LCT: variants seen among roughly 807,000 people sequenced by gnomAD.
LCT encodes the protein lactase/phlorizin hydrolase.
LCT carries 90 observed loss-of-function variants against 173.0 expected under a neutral mutation model. The observed-to-expected ratio is 0.52, with a 90% CI of 0.44 to 0.62. LCT has a LOEUF of 0.62. Ranked by LOEUF, LCT falls within the 20% of genes least tolerant of loss-of-function variation. The probability of loss-of-function intolerance (pLI) is 0.00; values close to 1 mark genes in which losing one functional copy is unlikely to be tolerated. For synonymous variants in LCT, 853 were observed against 957.6 expected, an observed-to-expected ratio of 0.89 and a Z score of 2.02; for missense variants, 1,864 against 2,431.4, an observed-to-expected ratio of 0.77 and a Z score of 4.91.
At chr2:135,802,255 T>C (rs2077633671) in intron 11 of LCT, among the ~76,000 whole-genome samples, 1 of 152,196 alleles carries the variant, frequency 6.6e-6, no homozygotes, top group Admixed American at 6.5e-5. Flanking sequence ...TTTATTCTTA[T>C]TAACTCAGAA....
At chr2:135,814,348 T>C (rs2077761416) in intron 6 of LCT, among the ~76,000 whole-genome samples, 2 of 152,052 alleles carry the variant, frequency 1.3e-5, no homozygotes, top group African/African-American at 4.8e-5. Context: ...GGGAGCTCAG[T>C]GGAATATTAG....
rs754167660 is a variant in LCT, at chr2:135,809,344, G to A, written c.3003C>T (p.Asn1001=). 1 of 1,614,238 alleles carries A rather than the reference G, an allele frequency of 6.2e-7. No individual in the cohort carries two copies. Among genetic ancestry groups the A allele is most frequent in the Non-Finnish European group, 8.5e-7 (1 of 1,180,056 alleles). Residue 1001 remains asparagine (N), a synonymous_variant, in exon 8 of 17, where the codon AAC becomes AAT. Coordinates refer to ENST00000264162, the MANE Select transcript of LCT (RefSeq NM_002299.4). This position sits in a 1 kb window ranked among gnomAD's most constrained non-coding sequence, Gnocchi z 5.5. ...SINSHGVDYY[N]RLINGLVASN... ...TTGCCACCAAGCCATTGATCAGCCT[G>A]TTGTAATAATCAACCCCATGACTGT...
At chr2:135,832,409 G>A (rs1454993827) in intron 2 of LCT, among the ~76,000 whole-genome samples, 1 of 151,212 alleles carries the variant, frequency 6.6e-6, no homozygotes, top group East Asian at 1.9e-4. Context: ...GACAGAGCAA[G>A]GCCACAAGAC....
At chr2:135,791,201 A>G (rs952114293) in intron 14 of LCT, among the ~76,000 whole-genome samples, 8 of 152,214 alleles carry the variant, frequency 5.3e-5, no homozygotes, top group Admixed American at 1.3e-4. Flanking sequence ...TACACCAGCT[A>G]TGAAAGGCTA....
In LCT at chr2:135,809,548, A is replaced by G. The variant is rs774146312; in HGVS notation, c.2799T>C (p.Asp933=). 68 of 1,614,240 alleles carry G rather than the reference A, an allele frequency of 4.2e-5. No homozygotes were observed. The highest frequency in any genetic ancestry group is 5.6e-5 in the Non-Finnish European group (66 of 1,180,042). Residue 933 remains aspartate (D), a synonymous_variant, in exon 8 of 17, where the codon GAT becomes GAC. Transcript: ENST00000264162. The surrounding 1 kb of genome is among the most constrained non-coding windows in gnomAD (Gnocchi z 5.5). The part of the protein sequence containing the change: ...DADGKGPSIW[D]NFTHTPGSNV... ...TGCTCCCTGGTGTGTGGGTAAAGTT[A>G]TCCCAGATGCTGGGGCCTTTGCCAT...
At chr2:135,814,396 TAGGGAAA>T (rs2077761744) in intron 6 of LCT, among the ~76,000 whole-genome samples, 2 of 151,988 alleles carry the variant, frequency 1.3e-5, no homozygotes, top group South Asian at 4.1e-4. Flanking sequence ...TGCTTAATAA[TAGGGAAA>T]AGTGCTAATG....
At position 135,792,282 on chromosome 2, in the gene LCT, T is replaced by A. The variant is rs563527604; in HGVS notation, c.5112-1401A>T. Reference sequence around the variant, plus strand: ...CCCAGGGAAGCCATTCCTGACTTTATCCTACAGGGGTCCTTGTAGAAGGAA... The same window carrying A: ...CCCAGGGAAGCCATTCCTGACTTTAACCTACAGGGGTCCTTGTAGAAGGAA... On this transcript the variant is annotated intron_variant, in intron 14 of 16. Transcript: ENST00000264162. Among the ~76,000 whole-genome samples, 11 of 152,282 alleles carry A rather than the reference T, an allele frequency of 7.2e-5. No individual in the cohort carries two copies. The East Asian group carries it at 2.1e-3, about 29-fold the overall frequency.
intron 13 of LCT, 90 bp from the exon 14 acceptor site, chr2:135,794,865 C>T (rs2077567540): frequency 1.4e-6 from 2 of 1,476,928 alleles, no homozygotes; most frequent in Admixed American, 1.7e-5. Flanking sequence ...GGGAGCTCTC[C>T]GAACCCCAGG....
intron 4 of LCT, 29 bp downstream of exon 4, chr2:135,823,872 C>T: frequency 6.8e-7 from 1 of 1,470,924 alleles, no homozygotes; most frequent in Non-Finnish European, 9.5e-7. Context: ...AGATGTCACT[C>T]AAAACCTCTT....
Position 135,788,083 on chromosome 2 carries a change from C to T in LCT, c.*241G>A, listed in dbSNP as rs1370831794. The T allele has an allele frequency of 1.3e-5, 7 of 545,322 alleles. No individual in the cohort carries two copies. The African/African-American group carries it at 1.3e-4, about 10-fold the overall frequency. The allele number at this position is 545,322 out of a possible 1,614,324, so 33.8% of individuals were successfully genotyped here. On this transcript the variant is annotated 3_prime_UTR_variant, in exon 17 of 17. Coordinates refer to ENST00000264162, the MANE Select transcript of LCT (RefSeq NM_002299.4). ...CCACTAGACCAGTATCTACACGTTTCCGCAAGAGCTACTTGCTTCTCAAAT... is the reference window on the plus strand; with the variant it reads ...CCACTAGACCAGTATCTACACGTTTTCGCAAGAGCTACTTGCTTCTCAAAT...
intron 12 of LCT, among the ~76,000 whole-genome samples, chr2:135,799,651 T>C (rs945431871): frequency 1.3e-5 from 2 of 152,222 alleles, no homozygotes; most frequent in Non-Finnish European, 2.9e-5. Flanking sequence ...GGTCTCACCA[T>C]GTTGGCCAGG....
At position 135,823,895 on chromosome 2, in the gene LCT, A is replaced by G. The variant is rs1359635083; in HGVS notation, c.907+6T>C. ...CTCAAAACCTCTTCAGCAATGGCCC[A>G]CTCACCTTCAAAAAGGCTGAAGAGC... is the stretch of plus-strand genomic sequence containing the variant. On this transcript the variant is annotated splice_donor_region_variant and intron_variant, in intron 4 of 16. Transcript: ENST00000264162. The G allele has an allele frequency of 1.3e-6, 2 of 1,588,976 alleles. No individual in the cohort carries two copies. The highest frequency in any genetic ancestry group is 1.7e-6 in the Non-Finnish European group (2 of 1,157,158).
chr2:135,833,107 T>C lies in LCT; in HGVS notation c.720+4A>G. 1 of 1,610,850 alleles carries C rather than the reference T, an allele frequency of 6.2e-7. No individual in the cohort carries two copies. The highest frequency in any genetic ancestry group is 8.5e-7 in the Non-Finnish European group (1 of 1,177,060). On this transcript the variant is annotated splice_donor_region_variant and intron_variant, in intron 2 of 16. Transcript: ENST00000264162. Reference sequence around the variant, plus strand: ...TTACAGGTATATTTTTGGGCTGCTGTCACCTGGGCAAGCGCAGATATGGGT... The same window carrying C: ...TTACAGGTATATTTTTGGGCTGCTGCCACCTGGGCAAGCGCAGATATGGGT...
rs1365802459 is a variant in LCT, at chr2:135,790,223, A to G, written c.5336-425T>C. On this transcript the variant is annotated intron_variant, in intron 15 of 16. Transcript: ENST00000264162. This position sits in a 1 kb window ranked among gnomAD's most constrained non-coding sequence, Gnocchi z 4.1. ...TGGTGCATTGCTTGCTCTTTTACTC[A>G]GCATTTGTTCCATTCTCTTATCCTC... Among the ~76,000 whole-genome samples the G allele has an allele frequency of 6.6e-6, 1 of 152,104 alleles. No individual in the cohort carries two copies. Among genetic ancestry groups the G allele is most frequent in the Non-Finnish European group, 1.5e-5 (1 of 68,028 alleles).
rs558376725 is a variant in LCT, at chr2:135,794,131, C to G, written c.5111+510G>C. Among the ~76,000 whole-genome samples, 6 of 131,570 alleles carry G rather than the reference C, an allele frequency of 4.6e-5. No individual in the cohort carries two copies. The East Asian group carries it at 1.3e-3, about 29-fold the overall frequency. The allele number at this position is 131,570 out of a possible 152,430, so 86.3% of individuals were successfully genotyped here. On this transcript the variant is annotated intron_variant, in intron 14 of 16. Coordinates refer to ENST00000264162, the MANE Select transcript of LCT (RefSeq NM_002299.4). ...TCCAGCCTGGTGACAGAGCGAGACTCTGTCTCAAAAAAAATAAATAAAATA... is the reference window on the plus strand; with the variant it reads ...TCCAGCCTGGTGACAGAGCGAGACTGTGTCTCAAAAAAAATAAATAAAATA...
Position 135,836,758 on chromosome 2 carries a change from CAGGG to C in LCT, c.408_411del (p.Ser139ProfsTer26). The stretch of plus-strand genomic sequence containing the variant: ...GCTTCGGTTCTCCGGAGGGTGCTGG[CAGGG>C]AGGGTCTGGTGGTGCAGGATGACCA... On this transcript the variant is annotated frameshift_variant, in exon 1 of 17. Transcript: ENST00000264162. LOFTEE classifies it high-confidence loss of function. 6.2e-7 allele frequency: 1 copy of C among 1,614,106 alleles called. No individual in the cohort carries two copies. The highest frequency in any genetic ancestry group is 8.5e-7 in the Non-Finnish European group (1 of 1,180,014).
At chr2:135,811,823 G>A (rs1024498135) in intron 7 of LCT, among the ~76,000 whole-genome samples, 1 of 151,868 alleles carries the variant, frequency 6.6e-6, no homozygotes, top group Non-Finnish European at 1.5e-5. Context: ...GCTCATGCCT[G>A]TAGTCCCAAC....
chr2:135,828,297 A>G (rs1266541027), intron 3 of LCT, among the ~76,000 whole-genome samples: 1 of 152,214 alleles, frequency 6.6e-6, no homozygotes. Flanking sequence ...TGCTGGGATT[A>G]CAGGCATGAG....
chr2:135,835,096 G>A (rs893237347), intron 1 of LCT, among the ~76,000 whole-genome samples: 2 of 152,048 alleles, frequency 1.3e-5, no homozygotes, highest in African/African-American at 4.8e-5. Context: ...GTGGGAAATA[G>A]TTTATAGATA....
Sources: allele counts gnomAD v4.1 joint callset (sites outside exome capture counted in the v4.1 genomes callset), GRCh38; gene constraint gnomAD v4.1.1; non-coding constraint Gnocchi (gnomAD v3.1); transcripts MANE v1.5; gene names NCBI Gene and HGNC (gene_info 2026-07-23, HGNC 2026-07-21).